CSGALNACT1: variants seen among roughly 807,000 people sequenced by gnomAD.
CSGALNACT1 encodes chondroitin sulfate N-acetylgalactosaminyltransferase 1.
In CSGALNACT1, 52 loss-of-function variants were observed where a neutral mutation model predicts 51.0. The observed-to-expected ratio is 1.02, with a 90% CI of 0.82 to 1.29. The LOEUF (loss-of-function observed/expected upper bound fraction) is 1.29. Ranked by LOEUF, CSGALNACT1 falls within the 50% of genes most tolerant of loss-of-function variation. The pLI is 0.00. For missense variants in CSGALNACT1, 935 were observed against 679.2 expected (o/e 1.38, Z -4.19); for synonymous variants, 341 against 254.4 (o/e 1.34, Z -3.24).
chr8:19,493,877 C>T (rs1311670208), intron 4 of CSGALNACT1, among the ~76,000 whole-genome samples: 1 of 68,942 alleles, frequency 1.5e-5, no homozygotes, highest in East Asian at 2.0e-4. Context: ...TTTATACACA[C>T]ACACACACAC....
intron 4 of CSGALNACT1, among the ~76,000 whole-genome samples, chr8:19,492,836 C>G (rs903589223): frequency 2.0e-5 from 3 of 152,120 alleles, no homozygotes; most frequent in African/African-American, 7.2e-5. Flanking sequence ...TGACTATGAT[C>G]AGGAATAATA....
At position 19,734,023 on chromosome 8, in the gene CSGALNACT1, C is replaced by G. The variant is rs573395780; in HGVS notation, c.-297+23827G>C. On this transcript the variant is annotated intron_variant, in intron 1 of 1. Transcript: ENST00000517494. ...GGAGCCAGGGCTATCTGTTCACCCC[C>G]CAACAATGAACGCTGAGGCTCCTCA... Among the ~76,000 whole-genome samples, 25 of 152,264 alleles carry G rather than the reference C, an allele frequency of 1.6e-4. No homozygotes were observed. The South Asian group carries it at 2.5e-3, about 15-fold the overall frequency.
At chr8:19,665,967 T>G (rs1047185792) in intron 1 of CSGALNACT1, among the ~76,000 whole-genome samples, 2 of 152,200 alleles carry the variant, frequency 1.3e-5, no homozygotes, top group Non-Finnish European at 2.9e-5. Context: ...TCTCCATCTT[T>G]TTTCTAGTTG....
At chr8:19,604,403 C>T (rs2051053303), upstream of CSGALNACT1, among the ~76,000 whole-genome samples, 1 of 152,164 alleles carries the variant, frequency 6.6e-6, no homozygotes, top group Admixed American at 6.5e-5. Context: ...CACAACAATG[C>T]TATGGATATG....
chr8:19,579,997 A>G (rs2045209699), intron 3 of CSGALNACT1, among the ~76,000 whole-genome samples: 2 of 152,208 alleles, frequency 1.3e-5, no homozygotes, highest in Non-Finnish European at 2.9e-5. Flanking sequence ...TTGGTCTTCA[A>G]TAAAGGCACA....
chr8:19,610,563 C>A (rs950182156), intron 1 of CSGALNACT1, among the ~76,000 whole-genome samples: 3 of 152,082 alleles, frequency 2.0e-5, no homozygotes, highest in Non-Finnish European at 4.4e-5. Context: ...GCTGGACAAC[C>A]ACAGGAACGC....
chr8:19,485,812 G>T (rs1404118787), intron 4 of CSGALNACT1, among the ~76,000 whole-genome samples: 3 of 108,798 alleles, frequency 2.8e-5, no homozygotes, highest in Non-Finnish European at 5.2e-5. Flanking sequence ...TGCTGCCCAG[G>T]CTGAAGTACA....
At chr8:19,490,874 A>C (rs948927892) in intron 4 of CSGALNACT1, among the ~76,000 whole-genome samples, 3 of 152,190 alleles carry the variant, frequency 2.0e-5, no homozygotes, top group Non-Finnish European at 4.4e-5. Flanking sequence ...CCCAGGCAGC[A>C]GGAAGGAAGT....
intron 1 of CSGALNACT1, among the ~76,000 whole-genome samples, chr8:19,730,154 C>A (rs1356771619): frequency 1.3e-5 from 2 of 152,200 alleles, no homozygotes; most frequent in African/African-American, 4.8e-5. Context: ...AAGCAGAAAG[C>A]TCATTCCTTG....
intron 5 of CSGALNACT1, among the ~76,000 whole-genome samples, chr8:19,450,391 G>T (rs1034926907): frequency 6.6e-6 from 1 of 152,074 alleles, no homozygotes; most frequent in Non-Finnish European, 1.5e-5. Flanking sequence ...CAGAAAAACA[G>T]CAGGAGCTAC....
intron 1 of CSGALNACT1, among the ~76,000 whole-genome samples, chr8:19,722,519 C>G (rs528273153): frequency 6.6e-6 from 1 of 152,310 alleles, no homozygotes; most frequent in African/African-American, 2.4e-5. Context: ...AAATCCAGGT[C>G]TGGCCACAAA....
chr8:19,661,087 T>G (rs1333761525), intron 1 of CSGALNACT1, among the ~76,000 whole-genome samples: 2 of 152,014 alleles, frequency 1.3e-5, no homozygotes, highest in Non-Finnish European at 2.9e-5. Context: ...TAATTTTTTT[T>G]TTTTTTTTAG....
At chr8:19,454,659 A>C (rs761819339) in intron 5 of CSGALNACT1, among the ~76,000 whole-genome samples, 2 of 152,150 alleles carry the variant, frequency 1.3e-5, no homozygotes, top group Non-Finnish European at 2.9e-5. Context: ...TGACAGTGAG[A>C]CTCTGTCTCA....
chr8:19,457,704 C>T (rs1271950634), intron 5 of CSGALNACT1: 1 of 1,326,960 alleles, frequency 7.5e-7, no homozygotes, highest in African/African-American at 1.5e-5. Flanking sequence ...GGTGAAATCA[C>T]TTAGCTGGTT....
intron 1 of CSGALNACT1, among the ~76,000 whole-genome samples, chr8:19,629,791 C>A (rs747667157): frequency 1.3e-5 from 2 of 152,170 alleles, no homozygotes; most frequent in Non-Finnish European, 2.9e-5. Context: ...CCATTTTGTC[C>A]AGTAAGGAAA....
chr8:19,415,146 T>C (rs2056620290), intron 8 of CSGALNACT1, among the ~76,000 whole-genome samples: 1 of 152,172 alleles, frequency 6.6e-6, no homozygotes, highest in African/African-American at 2.4e-5. Context: ...AGCTGTACAA[T>C]CCTGAACAAG....
At chr8:19,725,771 C>A (rs546528179) in intron 1 of CSGALNACT1, among the ~76,000 whole-genome samples, 9 of 152,190 alleles carry the variant, frequency 5.9e-5, no homozygotes, top group Middle Eastern at 3.4e-3. Context: ...AGGTTCACAG[C>A]AAAATTGAAA....
chr8:19,578,433 A>G (rs879604334), intron 3 of CSGALNACT1, among the ~76,000 whole-genome samples: 1 of 152,180 alleles, frequency 6.6e-6, no homozygotes, highest in Non-Finnish European at 1.5e-5. Context: ...ATTTTCCTAT[A>G]GCCTCTCTTG....
intron 1 of CSGALNACT1, among the ~76,000 whole-genome samples, chr8:19,609,688 G>A (rs1481920801): frequency 6.6e-6 from 1 of 152,066 alleles, no homozygotes; most frequent in Non-Finnish European, 1.5e-5. Context: ...AGGACCCAGA[G>A]AAGCAGGAGG....
Sources: gnomAD v4.1 joint callset for allele counts (sites outside exome capture counted in the v4.1 genomes callset) on GRCh38, gnomAD v4.1.1 for gene constraint, MANE v1.5 for transcripts, NCBI Gene and HGNC (gene_info 2026-07-23, HGNC 2026-07-21) for gene names.